The following DCC variants were observed in gnomAD, a reference collection of about 807,000 sequenced individuals.
The protein encoded by DCC is netrin receptor DCC.
In DCC, 58 loss-of-function variants were observed where a neutral mutation model predicts 172.5. The observed-to-expected ratio is 0.34, with a 90% CI of 0.27 to 0.42. DCC has a LOEUF of 0.42. Ranked by LOEUF, DCC falls within the 10% of genes least tolerant of loss-of-function variation. The probability of loss-of-function intolerance (pLI) is 1.00; values close to 1 mark genes in which losing one functional copy is unlikely to be tolerated. For missense variants in DCC, 1,740 were observed against 1,791.0 expected (o/e 0.97, Z 0.51); for synonymous variants, 709 against 644.5 (o/e 1.10, Z -1.52).
intron 2 of DCC, among the ~76,000 whole-genome samples, chr18:52,865,995 G>A (rs1568155331): frequency 6.6e-6 from 1 of 151,964 alleles, no homozygotes; most frequent in Non-Finnish European, 1.5e-5. Flanking sequence ...GTATTGCCTG[G>A]GTTTTCTTCT....
intron 1 of DCC, among the ~76,000 whole-genome samples, chr18:52,353,031 T>G (rs1211834286): frequency 6.6e-6 from 1 of 152,198 alleles, no homozygotes; most frequent in Non-Finnish European, 1.5e-5. Context: ...AGTAATCATG[T>G]AGTCAATGGG....
At chr18:52,870,666 G>A (rs1295901330) in intron 2 of DCC, among the ~76,000 whole-genome samples, 1 of 151,568 alleles carries the variant, frequency 6.6e-6, no homozygotes, top group African/African-American at 2.4e-5. Flanking sequence ...GTCCCACCTT[G>A]ACCTGCCAAT....
intron 8 of DCC, among the ~76,000 whole-genome samples, chr18:53,174,187 G>C (rs1001758824): frequency 6.9e-6 from 1 of 144,528 alleles, no homozygotes; most frequent in African/African-American, 2.6e-5. Context: ...GCAGTGTGTA[G>C]AGGGAAATTT....
At chr18:53,147,789 CTATCCTGACACCA>C (rs2043937762) in intron 7 of DCC, among the ~76,000 whole-genome samples, 2 of 152,292 alleles carry the variant, frequency 1.3e-5, no homozygotes, top group South Asian at 2.1e-4. Flanking sequence ...ATTTCCACAG[CTATCCTGACACCA>C]TATCCTTGAG....
intron 7 of DCC, among the ~76,000 whole-genome samples, chr18:53,147,426 A>G (rs780147039): frequency 1.8e-4 from 28 of 152,334 alleles, no homozygotes; most frequent in Non-Finnish European, 3.2e-4. Flanking sequence ...CAGTGACTTC[A>G]TAACAGTGGC....
chr18:53,029,856 G>T (rs1460100917), intron 5 of DCC, among the ~76,000 whole-genome samples: 2 of 152,006 alleles, frequency 1.3e-5, no homozygotes, highest in Non-Finnish European at 2.9e-5. Flanking sequence ...AAGCTTGCCT[G>T]GTCTCTTAAA....
Position 53,079,256 on chromosome 18 carries a change from G to A in DCC, c.1261+13090G>A, listed in dbSNP as rs140141020. On this transcript the variant is annotated intron_variant, in intron 7 of 28. Coordinates refer to ENST00000442544, the MANE Select transcript of DCC (RefSeq NM_005215.4). ...AGTCTTTTGATCTCATGAATTCCAT[G>A]TCCAATTTTTGACACGTAGACCACC... Among the ~76,000 whole-genome samples, 394 of 151,988 alleles carry A rather than the reference G, an allele frequency of 2.6e-3. 11 individuals are homozygous for A. The highest frequency in any genetic ancestry group is 0.018 in the East Asian group (94 of 5,168).
chr18:53,406,706 A>C lies in DCC; in HGVS notation c.2936-3746A>C, dbSNP rs1909676416. Among the ~76,000 whole-genome samples the C allele has an allele frequency of 1.7e-5, 2 of 116,924 alleles. 1 individual carries two copies. The highest frequency in any genetic ancestry group is 4.3e-5 in the Non-Finnish European group (2 of 46,290). 76.7% of individuals were successfully genotyped at this position (116,924 alleles called of 152,430 possible). A position where few individuals can be genotyped will look rare whatever the true frequency, so the allele number is the denominator to read the frequency against. ...GTGACAGAGCAAGACTCTGTCTCAA[A>C]AAAAAAAAAAGAAAGAAAGAAAAAA... On this transcript the variant is annotated intron_variant, in intron 19 of 28. Transcript: ENST00000442544.
At chr18:53,051,967 T>A (rs112011427) in intron 5 of DCC, among the ~76,000 whole-genome samples, 2,240 of 152,218 alleles carry the variant, frequency 0.015, 45 homozygotes, top group African/African-American at 0.05. Context: ...ATGCCAGTTA[T>A]TTTAATACTG....
chr18:52,395,430 T>TG (rs1986186528), intron 1 of DCC, among the ~76,000 whole-genome samples: 1 of 152,014 alleles, frequency 6.6e-6, no homozygotes, highest in African/African-American at 2.4e-5. Context: ...TAGTGGGCTG[T>TG]GGGCTTTTGC....
At chr18:53,215,636 A>T (rs1288973086) in intron 12 of DCC, 39 bp downstream of exon 12, 1 of 1,520,824 alleles carries the variant, frequency 6.6e-7, no homozygotes, top group East Asian at 2.3e-5. Flanking sequence ...TTACCTATCA[A>T]GATTACCTAT....
rs1308518529 is a variant in DCC at position 53,534,626 on chromosome 18, C to T, written c.*3973C>T. ...CTAGTGTTTAAAATTAAATTGGATA[C>T]TTGGGAAAATCATAGATAGGTGTTT... On this transcript the variant is annotated 3_prime_UTR_variant, in exon 29 of 29. Transcript: ENST00000442544. The T allele has an allele frequency of 6.6e-6, 1 of 152,152 alleles. No individual in the cohort carries two copies. Among genetic ancestry groups the T allele is most frequent in the African/African-American group, 2.4e-5 (1 of 41,440 alleles). 9.4% of individuals were successfully genotyped at this position (152,152 alleles called of 1,614,324 possible).
intron 2 of DCC, among the ~76,000 whole-genome samples, chr18:52,873,733 G>A (rs935383522): frequency 1.3e-5 from 2 of 152,124 alleles, no homozygotes; most frequent in African/African-American, 2.4e-5. Context: ...TAACACAGAA[G>A]GTGGCATAAG....
Position 53,081,835 on chromosome 18 carries a change from A to G in DCC, c.1261+15669A>G, listed in dbSNP as rs578035400. On this transcript the variant is annotated intron_variant, in intron 7 of 28. Transcript: ENST00000442544. ...TGTAATTATAATGTCCCTTATTCCT[A>G]TTTAAATTAAACAGTCTTCACATAA... 1.4e-4 allele frequency among the ~76,000 whole-genome samples: 21 copies of G among 152,190 alleles called. No individual in the cohort carries two copies. In the South Asian group the frequency reaches 4.4e-3, roughly 32 times the overall value.
intron 5 of DCC, among the ~76,000 whole-genome samples, chr18:53,044,372 T>C (rs2144011171): frequency 6.6e-6 from 1 of 152,000 alleles, no homozygotes; most frequent in East Asian, 1.9e-4. Flanking sequence ...TTTTTAAATG[T>C]AGTTTGGTAG....
intron 1 of DCC, among the ~76,000 whole-genome samples, chr18:52,547,343 GAGA>G (rs1019601730): frequency 2.6e-5 from 4 of 152,150 alleles, no homozygotes; most frequent in East Asian, 3.9e-4. Context: ...TGTAAATTGG[GAGA>G]AGGAGGAAAA....
chr18:52,428,573 T>C (rs936146698), intron 1 of DCC, among the ~76,000 whole-genome samples: 5 of 152,170 alleles, frequency 3.3e-5, no homozygotes, highest in Non-Finnish European at 7.4e-5. Context: ...ATGGATAATT[T>C]AATCAAATGT....
chr18:52,814,053 T>C (rs1300470682), intron 2 of DCC, among the ~76,000 whole-genome samples: 1 of 152,222 alleles, frequency 6.6e-6, no homozygotes, highest in Non-Finnish European at 1.5e-5. Flanking sequence ...CTCATAAGAA[T>C]AAATCCTATT....
chr18:52,366,895 G>C (rs888310550), intron 1 of DCC, among the ~76,000 whole-genome samples: 3 of 152,212 alleles, frequency 2.0e-5, no homozygotes, highest in Non-Finnish European at 4.4e-5. Flanking sequence ...GTCCCGTGCC[G>C]TGCGCTCGCA....
Sources: gnomAD v4.1 joint callset for allele counts (sites outside exome capture counted in the v4.1 genomes callset) on GRCh38, gnomAD v4.1.1 for gene constraint, MANE v1.5 for transcripts, NCBI Gene and HGNC (gene_info 2026-07-23, HGNC 2026-07-21) for gene names.